The following IPP variants were observed in gnomAD, a reference collection of about 807,000 sequenced individuals.
IPP encodes actin-binding protein IPP.
IPP carries 41 observed loss-of-function variants against 64.1 expected under a neutral mutation model. The observed-to-expected ratio is 0.64, with a 90% CI of 0.50 to 0.83. The LOEUF (loss-of-function observed/expected upper bound fraction) is 0.83, where lower values mean the gene tolerates loss of function less well. Among genes scored for constraint, IPP ranks in the 40% least tolerant of loss-of-function variants. IPP has a pLI of 0.00. For synonymous variants in IPP, 214 were observed against 235.2 expected (o/e 0.91, Z 0.83); for missense variants, 649 against 703.0 (o/e 0.92, Z 0.87).
In IPP at chr1:45,698,724, T is replaced by TC. The variant is rs199636400; in HGVS notation, c.*1241_*1242insG. The TC allele has an allele frequency of 1.6e-5, 7 of 436,922 alleles. No homozygotes were observed. Among genetic ancestry groups the TC allele is most frequent in the South Asian group, 1.3e-4 (1 of 7,746 alleles). The allele number at this position is 436,922 out of a possible 1,614,324, so 27.1% of individuals were successfully genotyped here. A position where few individuals can be genotyped will look rare whatever the true frequency, so the allele number is the denominator to read the frequency against. On this transcript the variant is annotated 3_prime_UTR_variant, in exon 9 of 9. Coordinates refer to ENST00000396478, the MANE Select transcript of IPP (RefSeq NM_005897.3). ...AAGGAAGAATTTTTTTTTCTTTTTT[T>TC]TTTTTTTTTTTTGAGACAGGTTCTC...
At chr1:45,749,363 G>A (rs1402353466) in intron 1 of IPP, among the ~76,000 whole-genome samples, 1 of 152,180 alleles carries the variant, frequency 6.6e-6, no homozygotes, top group Non-Finnish European at 1.5e-5. Context: ...AAGGAAAAGA[G>A]CACAATTCTG....
At chr1:45,703,503 GC>G (rs1442588570) in intron 8 of IPP, among the ~76,000 whole-genome samples, 4 of 150,788 alleles carry the variant, frequency 2.7e-5, no homozygotes, top group Non-Finnish European at 5.9e-5. Context: ...AAGATATTCT[GC>G]AAATATCCAC....
At chr1:45,696,646 G>C (rs1477052303), downstream of IPP, 3 of 152,282 alleles carry the variant, frequency 2.0e-5, no homozygotes, top group East Asian at 5.8e-4. Context: ...TGGGCCTCGT[G>C]GTTCATGCCT....
At position 45,738,852 on chromosome 1, in the gene IPP, A is replaced by AC. The variant is rs1412311954; in HGVS notation, c.724+2048_724+2049insG. On this transcript the variant is annotated intron_variant, in intron 3 of 8. Transcript: ENST00000396478. The stretch of plus-strand genomic sequence containing the variant: ...AAGACTCCATCTCAAAAAAAAAAAA[A>AC]AAAAAAAAAAAAACAAGAAAAAAAT... Among the ~76,000 whole-genome samples the AC allele has an allele frequency of 5.6e-3, 847 of 149,970 alleles. 15 individuals carry two copies. Among genetic ancestry groups the AC allele is most frequent in the African/African-American group, 0.016 (650 of 40,922 alleles).
chr1:45,745,783 T>C (rs1646125609), intron 2 of IPP, among the ~76,000 whole-genome samples: 1 of 151,944 alleles, frequency 6.6e-6, no homozygotes, highest in Admixed American at 6.6e-5. Context: ...GAGAATCGCT[T>C]GAACCTGGGA....
At chr1:45,723,980 C>CTCCCCT (rs1453021293) in intron 5 of IPP, among the ~76,000 whole-genome samples, 2 of 150,706 alleles carry the variant, frequency 1.3e-5, no homozygotes, top group East Asian at 3.9e-4. Flanking sequence ...CCCCCTCCCC[C>CTCCCCT]TCCCTCTCCC....
At chr1:45,736,098 G>A (rs1452461949) in intron 3 of IPP, among the ~76,000 whole-genome samples, 2 of 148,654 alleles carry the variant, frequency 1.3e-5, no homozygotes, top group Non-Finnish European at 3.0e-5. Flanking sequence ...GTGACAGAGC[G>A]AGACTCCATC....
At chr1:45,741,623 C>CTTTTTTTTTTTT (rs57797396) in intron 2 of IPP, among the ~76,000 whole-genome samples, 1 of 96,134 alleles carries the variant, frequency 1.0e-5, no homozygotes, top group Non-Finnish European at 2.1e-5. Flanking sequence ...TTCTTATTTT[C>CTTTTTTTTTTTT]TTTTTTTTTT....
At chr1:45,713,320 G>C (rs1341237567) in intron 8 of IPP, among the ~76,000 whole-genome samples, 2 of 152,112 alleles carry the variant, frequency 1.3e-5, no homozygotes, top group Non-Finnish European at 2.9e-5. Context: ...CAGCACTTTG[G>C]GAGGCTGAGG....
At chr1:45,749,199 T>C (rs1049313267) in intron 1 of IPP, among the ~76,000 whole-genome samples, 4 of 152,168 alleles carry the variant, frequency 2.6e-5, no homozygotes, top group Non-Finnish European at 5.9e-5. Flanking sequence ...TGCCTCCTGC[T>C]ACAAGAAAGA....
intron 8 of IPP, among the ~76,000 whole-genome samples, chr1:45,712,295 G>A (rs1410626413): frequency 3.5e-5 from 3 of 84,630 alleles, no homozygotes; most frequent in African/African-American, 1.5e-4. Context: ...GCAAGACGAC[G>A]TCTAAAAAAA....
In IPP at chr1:45,713,718, C is replaced by A. The variant is rs1054443073; in HGVS notation, c.1530+528G>T. On this transcript the variant is annotated intron_variant, in intron 8 of 8. Transcript: ENST00000396478. ...TAGCTAGAACCACAGGTGCATACCACCATGCCCAACTAATTTTGTTATTTA... is the reference window on the plus strand; with the variant it reads ...TAGCTAGAACCACAGGTGCATACCAACATGCCCAACTAATTTTGTTATTTA... Among the ~76,000 whole-genome samples the A allele has an allele frequency of 1.3e-5, 2 of 152,162 alleles. 1 individual carries two copies. The highest frequency in any genetic ancestry group is 2.9e-5 in the Non-Finnish European group (2 of 68,034).
rs1356237797 is a variant in IPP at position 45,746,198 on chromosome 1, C to CT, written c.213dup (p.Glu72ArgfsTer13). On this transcript the variant is annotated frameshift_variant, in exon 2 of 9. Coordinates refer to ENST00000396478, the MANE Select transcript of IPP (RefSeq NM_005897.3). LOFTEE classifies it high-confidence loss of function. ...ATCGGTACAACATCTTTTGAGGACT[C>CT]TTTCATTCCTCCAGTGAACAAAGCT... 2 of 1,614,084 alleles carry CT rather than the reference C, an allele frequency of 1.2e-6. No homozygotes were observed. The highest frequency in any genetic ancestry group is 3.3e-5 in the Admixed American group (2 of 60,020).
chr1:45,741,552 T>A (rs1363826925), intron 2 of IPP, among the ~76,000 whole-genome samples: 1 of 152,188 alleles, frequency 6.6e-6, no homozygotes, highest in Non-Finnish European at 1.5e-5. Context: ...GGTGCAGTAT[T>A]AATTGCTTTA....
chr1:45,737,109 C>G (rs544330766), intron 3 of IPP, among the ~76,000 whole-genome samples: 2 of 151,440 alleles, frequency 1.3e-5, no homozygotes, highest in African/African-American at 4.8e-5. Flanking sequence ...CACTGCCTTG[C>G]TCCTAGCAGA....
Position 45,700,147 on chromosome 1 carries a change from C to A in IPP, c.1574G>T (p.Gly525Val). The A allele has an allele frequency of 6.2e-7, 1 of 1,613,970 alleles. No individual in the cohort carries two copies. Among genetic ancestry groups the A allele is most frequent in the Non-Finnish European group, 8.5e-7 (1 of 1,180,014 alleles). Residue 525 changes from glycine to valine, a missense_variant, in exon 9 of 9, where the codon GGC (glycine) becomes GTC (valine). Gly to Val is a moderately radical substitution (Grantham distance 109). Coordinates refer to ENST00000396478, the MANE Select transcript of IPP (RefSeq NM_005897.3). Reference protein sequence around the residue: ...EVASMKVPRAGMCVVAVNGLL... With the variant: ...EVASMKVPRAVMCVVAVNGLL... ...ACCATTGACTGCCACAACACACATG[C>A]CTGCTCTAGGCACTTTCATTGAGGC...
At chr1:45,742,474 G>A (rs139378001) in intron 2 of IPP, among the ~76,000 whole-genome samples, 40 of 152,328 alleles carry the variant, frequency 2.6e-4, no homozygotes, top group African/African-American at 8.9e-4. Flanking sequence ...TGAGGCACTG[G>A]GGAGAGTAAG....
At chr1:45,739,443 CAG>C (rs1346902282) in intron 3 of IPP, among the ~76,000 whole-genome samples, 14 of 94,506 alleles carry the variant, frequency 1.5e-4, no homozygotes, top group Admixed American at 6.4e-4. Context: ...TTTGTAGAGA[CAG>C]GGTTTCACCA....
chr1:45,705,354 T>A (rs1645501489), intron 8 of IPP, among the ~76,000 whole-genome samples: 1 of 152,224 alleles, frequency 6.6e-6, no homozygotes, highest in Non-Finnish European at 1.5e-5. Flanking sequence ...CTGAAAATAT[T>A]TCTGCCGGAA....
Sources: gnomAD v4.1 joint callset for allele counts (sites outside exome capture counted in the v4.1 genomes callset) on GRCh38, gnomAD v4.1.1 for gene constraint, MANE v1.5 for transcripts, NCBI Gene and HGNC (gene_info 2026-07-23, HGNC 2026-07-21) for gene names.